The following KCNU1 variants were observed in gnomAD, a reference collection of about 807,000 sequenced individuals.
KCNU1 encodes potassium channel subfamily U member 1.
In KCNU1, 93 loss-of-function variants were observed where a neutral mutation model predicts 126.8. The ratio of observed to expected loss-of-function variants is 0.73; its 90% CI spans 0.62 to 0.87. The LOEUF is 0.87. Ranked by LOEUF, KCNU1 falls within the 40% of genes least tolerant of loss-of-function variation. KCNU1 has a pLI of 0.00. For missense variants in KCNU1, 1,330 were observed against 1,367.1 expected (o/e 0.97, Z 0.43); for synonymous variants, 523 against 494.2 (o/e 1.06, Z -0.77).
intron 18 of KCNU1, among the ~76,000 whole-genome samples, chr8:36,858,604 G>A (rs888466335): frequency 6.6e-6 from 1 of 152,090 alleles, no homozygotes; most frequent in Non-Finnish European, 1.5e-5. Flanking sequence ...GCACACACAT[G>A]CATATGCTTC....
At chr8:36,824,088 C>T (rs1399446763) in intron 10 of KCNU1, among the ~76,000 whole-genome samples, 3 of 152,186 alleles carry the variant, frequency 2.0e-5, no homozygotes, top group Non-Finnish European at 2.9e-5. Flanking sequence ...CCACCCGCCT[C>T]TACCTCCCAA....
intron 2 of KCNU1, among the ~76,000 whole-genome samples, chr8:36,801,700 A>G: frequency 6.6e-6 from 1 of 152,148 alleles, no homozygotes; most frequent in South Asian, 2.1e-4. Flanking sequence ...ACACATATAT[A>G]TATCTCCACT....
chr8:36,840,489 A>G lies in KCNU1; in HGVS notation c.1545A>G (p.Lys515=), dbSNP rs1238694029. The G allele has an allele frequency of 6.2e-7, 1 of 1,607,498 alleles. No individual in the cohort carries two copies. Among genetic ancestry groups the G allele is most frequent in the Admixed American group, 1.7e-5 (1 of 59,870 alleles). The change falls in exon 15 of 27, where the codon AAA becomes AAG. Residue 515 remains lysine, a synonymous_variant. Transcript: ENST00000399881. Reference sequence around the variant, plus strand: ...TTATGCCTAAACAGACCTGGAAGAAACACTTCTTGAATAGCATGAAAAACA... The same window carrying G: ...TTATGCCTAAACAGACCTGGAAGAAGCACTTCTTGAATAGCATGAAAAACA... ...KKVMPKQTWK[K]HFLNSMKNKI...
In KCNU1 at chr8:36,835,205, T is replaced by C. The variant is rs149810035; in HGVS notation, c.1295+337T>C. Among the ~76,000 whole-genome samples the C allele has an allele frequency of 4.4e-3, 673 of 152,324 alleles. 7 individuals are homozygous for C. The highest frequency in any genetic ancestry group is 0.015 in the African/African-American group (637 of 41,574). ...ATAACTAATATCCTCTCCTCAAAAA[T>C]GAAGATGCAATTTTATGAACCCTAT... On this transcript the variant is annotated intron_variant, in intron 12 of 26. Transcript: ENST00000399881.
chr8:36,865,141 A>G (rs1805859447), intron 19 of KCNU1, among the ~76,000 whole-genome samples: 1 of 152,108 alleles, frequency 6.6e-6, no homozygotes, highest in African/African-American at 2.4e-5. Context: ...ATGATTAAAA[A>G]CTGTGATTAT....
intron 10 of KCNU1, among the ~76,000 whole-genome samples, chr8:36,823,156 A>G (rs1056258553): frequency 2.6e-5 from 4 of 152,178 alleles, no homozygotes; most frequent in Non-Finnish European, 5.9e-5. Context: ...CATTCAAGAA[A>G]GTATTAGATT....
chr8:36,921,721 AC>A (rs1808357191), intron 23 of KCNU1, among the ~76,000 whole-genome samples: 2 of 151,080 alleles, frequency 1.3e-5, no homozygotes, highest in Admixed American at 6.6e-5. Flanking sequence ...ATCTCTTCTC[AC>A]GGACCACAGT....
intron 6 of KCNU1, 91 bp downstream of exon 6, chr8:36,807,541 A>G (rs778313036): frequency 2.7e-5 from 25 of 938,352 alleles, no homozygotes; most frequent in Non-Finnish European, 4.3e-5. Flanking sequence ...TGCATTTCTT[A>G]TCAGAATTTC....
intron 23 of KCNU1, among the ~76,000 whole-genome samples, chr8:36,921,492 A>C (rs1808343470): frequency 1.3e-5 from 2 of 151,980 alleles, no homozygotes; most frequent in Admixed American, 1.3e-4. Context: ...CAGCCTGGCC[A>C]ACATGGTGAA....
intron 9 of KCNU1, among the ~76,000 whole-genome samples, chr8:36,817,373 C>A (rs1563273647): frequency 1.3e-5 from 2 of 151,842 alleles, no homozygotes; most frequent in Admixed American, 6.6e-5. Flanking sequence ...GTGGCGCATG[C>A]CTTTAATCCC....
At chr8:36,876,532 C>A (rs1806283941) in intron 19 of KCNU1, among the ~76,000 whole-genome samples, 1 of 152,186 alleles carries the variant, frequency 6.6e-6, no homozygotes, top group Non-Finnish European at 1.5e-5. Context: ...ATCTTCCCAT[C>A]TAGAACCATG....
chr8:36,932,887 C>T (rs1808743076), intron 25 of KCNU1, 33 bp from the exon 26 acceptor site: 3 of 1,238,562 alleles, frequency 2.4e-6, no homozygotes, highest in Admixed American at 2.0e-5. Flanking sequence ...TCAAAGTGCC[C>T]AGCAGACATA....
At chr8:36,815,880 C>T (rs1375091828) in intron 9 of KCNU1, among the ~76,000 whole-genome samples, 193 bp downstream of exon 9, 1 of 152,136 alleles carries the variant, frequency 6.6e-6, no homozygotes, top group Admixed American at 6.5e-5. Flanking sequence ...TGACCCAAAC[C>T]ACTACATAGA....
At chr8:36,853,182 T>G (rs187390413) in intron 18 of KCNU1, among the ~76,000 whole-genome samples, 45 of 152,250 alleles carry the variant, frequency 3.0e-4, no homozygotes, top group African/African-American at 1.0e-3. Context: ...AAACTCCATC[T>G]CTACTACAAA....
intron 19 of KCNU1, among the ~76,000 whole-genome samples, chr8:36,886,288 C>G (rs1477595460): frequency 6.6e-6 from 1 of 152,126 alleles, no homozygotes; most frequent in Admixed American, 6.6e-5. Flanking sequence ...ACCTATTTAC[C>G]TCAGTTCTTA....
chr8:36,843,325 G>A (rs780487980), intron 16 of KCNU1, among the ~76,000 whole-genome samples: 2 of 152,190 alleles, frequency 1.3e-5, no homozygotes, highest in African/African-American at 2.4e-5. Flanking sequence ...TCACTGGGAA[G>A]TCTGGTGAAT....
chr8:36,785,037 G>A (rs1443799708), intron 1 of KCNU1, among the ~76,000 whole-genome samples: 2 of 152,188 alleles, frequency 1.3e-5, no homozygotes, highest in Admixed American at 6.5e-5. Context: ...ATGTACTGAC[G>A]TGTACATTGC....
intron 22 of KCNU1, among the ~76,000 whole-genome samples, chr8:36,918,095 A>T (rs1032267068): frequency 3.5e-4 from 54 of 152,228 alleles, no homozygotes; most frequent in African/African-American, 1.3e-3. Flanking sequence ...AAAATACTAC[A>T]GGCAAATTGA....
rs1478530865 is a variant in KCNU1 at position 36,911,047 on chromosome 8, G to A, written c.2449G>A (p.Ala817Thr). 6.2e-7 allele frequency: 1 copy of A among 1,613,654 alleles called. No homozygotes were observed. The highest frequency in any genetic ancestry group is 1.7e-5 in the Admixed American group (1 of 60,000). ...SSNQTLVDTEAIMATLTIGSL... is the reference protein window; with the variant it reads ...SSNQTLVDTETIMATLTIGSL... The stretch of plus-strand genomic sequence containing the variant: ...CAACCAGACTTTGGTAGACACAGAA[G>A]CCATCATGGCAACCCTCACCATCGG... Residue 817 changes from alanine (A) to threonine (T), a missense_variant, in exon 22 of 27, where the codon GCC (alanine) becomes ACC (threonine). Physicochemically the swap from Ala to Thr is moderately conservative, Grantham distance 58. Transcript: ENST00000399881.
Sources: gnomAD v4.1 joint callset for allele counts (sites outside exome capture counted in the v4.1 genomes callset) on GRCh38, gnomAD v4.1.1 for gene constraint, MANE v1.5 for transcripts, NCBI Gene and HGNC (gene_info 2026-07-23, HGNC 2026-07-21) for gene names.